MFSD2B: variants seen among roughly 807,000 people sequenced by gnomAD.
The protein encoded by MFSD2B is sphingosine-1-phosphate transporter MFSD2B.
A neutral mutation model predicts 58.4 loss-of-function variants in MFSD2B; 56 were observed. That is an observed-to-expected ratio of 0.96 (90% CI 0.77 to 1.20). The LOEUF (loss-of-function observed/expected upper bound fraction) is 1.20. MFSD2B is among the 50% of genes most tolerant of loss of function. MFSD2B has a pLI of 0.00. For synonymous variants in MFSD2B, 287 were observed against 294.4 expected, an observed-to-expected ratio of 0.97 and a Z score of 0.26; for missense variants, 645 against 667.6, an observed-to-expected ratio of 0.97 and a Z score of 0.37.
intron 3 of MFSD2B, 83 bp from the exon 4 acceptor site, chr2:24,016,762 G>C: frequency 6.5e-7 from 1 of 1,538,402 alleles, no homozygotes; most frequent in South Asian, 1.2e-5. Context: ...GGGCAGAGAA[G>C]GGGTGGGGTT....
intron 1 of MFSD2B, 127 bp from the exon 2 acceptor site, chr2:24,013,158 G>C (rs991002259): frequency 1.8e-5 from 17 of 928,382 alleles, no homozygotes; most frequent in Non-Finnish European, 2.5e-5. Context: ...GGCAAAATGG[G>C]GCTGAGAGGT....
Position 24,021,683 on chromosome 2 carries a change from A to AC in MFSD2B, c.717_718insC (p.Val240ArgfsTer160). 1 of 1,613,454 alleles carries AC rather than the reference A, an allele frequency of 6.2e-7. No homozygotes were observed. The highest frequency in any genetic ancestry group is 1.7e-5 in the Admixed American group (1 of 59,930). Reference sequence around the variant, plus strand: ...ACTGCATTGCGGCTGCCGTGGTTGTAGTGACTTACCCCGTGTGCATCAGTT... The same window carrying AC: ...ACTGCATTGCGGCTGCCGTGGTTGTACGTGACTTACCCCGTGTGCATCAGTT... On this transcript the variant is annotated frameshift_variant, in exon 7 of 14. Transcript: ENST00000338315. LOFTEE classifies it high-confidence loss of function. This position sits in a 1 kb window ranked among gnomAD's most constrained non-coding sequence, Gnocchi z 5.7.
At position 24,020,674 on chromosome 2, in the gene MFSD2B, C is replaced by T. The variant is rs1377482905; in HGVS notation, c.682-974C>T. Among the ~76,000 whole-genome samples, 2 of 152,150 alleles carry T rather than the reference C, an allele frequency of 1.3e-5. No individual in the cohort carries two copies. Among genetic ancestry groups the T allele is most frequent in the African/African-American group, 4.8e-5 (2 of 41,428 alleles). On this transcript the variant is annotated intron_variant, in intron 6 of 13. Coordinates refer to ENST00000338315, the MANE Select transcript of MFSD2B (RefSeq NM_001346880.2). The surrounding 1 kb of genome is among the most constrained non-coding windows in gnomAD (Gnocchi z 4.1). ...TCCCAGACTCAAGCGATTCTGCCAC[C>T]TCAGCCTCCCTAGTAGCTGGGACTG...
In MFSD2B at chr2:24,022,319, T is replaced by C. The variant is rs898764443; in HGVS notation, c.895-114T>C. 4.8e-6 allele frequency: 4 copies of C among 836,924 alleles called. No individual in the cohort carries two copies. The East Asian group carries it at 1.1e-4, about 22-fold the overall frequency. The allele number at this position is 836,924 out of a possible 1,614,324, so 51.8% of individuals were successfully genotyped here. A position where few individuals can be genotyped will look rare whatever the true frequency, so the allele number is the denominator to read the frequency against. ...TGTGGGGGAAGGGACTGTATGATGG[T>C]AGCAGCAAGCCAAGGTCCCAATGGA... On this transcript the variant is annotated intron_variant, in intron 8 of 13. Coordinates refer to ENST00000338315, the MANE Select transcript of MFSD2B (RefSeq NM_001346880.2). This position sits in a 1 kb window ranked among gnomAD's most constrained non-coding sequence, Gnocchi z 4.5.
Position 24,024,149 on chromosome 2 carries a change from C to A in MFSD2B, c.1368C>A (p.Thr456=), listed in dbSNP as rs1353789605. The change falls in exon 13 of 14, where the codon ACC becomes ACA. Residue 456 remains threonine (T), a synonymous_variant. Coordinates refer to ENST00000338315, the MANE Select transcript of MFSD2B (RefSeq NM_001346880.2). The surrounding 1 kb of genome is among the most constrained non-coding windows in gnomAD (Gnocchi z 4.3). ...VCKQAEEVVV[T]LKVLIGAVPT... is the part of the protein sequence containing the mutation. The stretch of plus-strand genomic sequence containing the variant: ...AGCAAGCAGAGGAGGTGGTGGTCAC[C>A]CTCAAAGTCCTCATTGGCGCCGTGC... 1 of 1,613,862 alleles carries A rather than the reference C, an allele frequency of 6.2e-7. No homozygotes were observed.
chr2:24,014,249 T>G (rs1295195926), intron 2 of MFSD2B, among the ~76,000 whole-genome samples: 1 of 152,086 alleles, frequency 6.6e-6, no homozygotes, highest in Non-Finnish European at 1.5e-5. Flanking sequence ...CCTGACCTCG[T>G]GATCCACCCA....
Position 24,025,431 on chromosome 2 carries a change from G to T in MFSD2B, c.1491-1G>T, listed in dbSNP as rs1573648580. ...TCCTTGGCTTCCTTCCCTTCCCACA[G>T]GAGGACCAGCTACAGCCTGGCCTAA... On this transcript the variant is annotated splice_acceptor_variant, in intron 13 of 13. Coordinates refer to ENST00000338315, the MANE Select transcript of MFSD2B (RefSeq NM_001346880.2). LOFTEE classifies it high-confidence loss of function. 1 of 1,536,102 alleles carries T rather than the reference G, an allele frequency of 6.5e-7. No homozygotes were observed. The highest frequency in any genetic ancestry group is 8.7e-7 in the Non-Finnish European group (1 of 1,146,880).
Position 24,016,949 on chromosome 2 carries a change from T to C in MFSD2B, c.452T>C (p.Leu151Pro). The C allele has an allele frequency of 6.2e-7, 1 of 1,613,872 alleles. No individual in the cohort carries two copies. The highest frequency in any genetic ancestry group is 8.5e-7 in the Non-Finnish European group (1 of 1,179,878). Residue 151 changes from leucine (L) to proline (P), a missense_variant, in exon 4 of 14, where the codon CTG becomes CCG. Physicochemically the swap from Leu to Pro is moderately conservative, Grantham distance 98. Coordinates refer to ENST00000338315, the MANE Select transcript of MFSD2B (RefSeq NM_001346880.2). ...CTCTGGTACACGACTTTCTACTGCC[T>C]GTTCCAGGCCCTGGCCACGGTAAGC... The part of the protein sequence containing the change: ...RGLWYTTFYC[L>P]FQALATFFQV...
rs976006388 is a variant in MFSD2B at position 24,024,487 on chromosome 2, T to A, written c.1490+216T>A. The stretch of plus-strand genomic sequence containing the variant: ...CCTTTGATCACCTGGTAGACTGTGG[T>A]ATGTGAGGGCTCACTCCTTGATCTC... On this transcript the variant is annotated intron_variant, in intron 13 of 13. Transcript: ENST00000338315. This position sits in a 1 kb window ranked among gnomAD's most constrained non-coding sequence, Gnocchi z 4.3. Among the ~76,000 whole-genome samples the A allele has an allele frequency of 6.6e-6, 1 of 152,102 alleles. No individual in the cohort carries two copies. Among genetic ancestry groups the A allele is most frequent in the Admixed American group, 6.6e-5 (1 of 15,264 alleles).
In MFSD2B at chr2:24,020,757, G is replaced by C. The variant is rs879347235; in HGVS notation, c.682-891G>C. Among the ~76,000 whole-genome samples the C allele has an allele frequency of 2.0e-5, 3 of 152,094 alleles. No homozygotes were observed. The highest frequency in any genetic ancestry group is 2.0e-4 in the Admixed American group (3 of 15,270). On this transcript the variant is annotated intron_variant, in intron 6 of 13. Transcript: ENST00000338315. The surrounding 1 kb of genome is among the most constrained non-coding windows in gnomAD (Gnocchi z 4.1). The stretch of plus-strand genomic sequence containing the variant: ...TTTTGTATTTTCTTTGGTAGATATG[G>C]GGTTTTGCCATGTTGCCCAGGCTGG...
Position 24,021,086 on chromosome 2 carries a change from T to C in MFSD2B, c.682-562T>C, listed in dbSNP as rs1021316744. On this transcript the variant is annotated intron_variant, in intron 6 of 13. Transcript: ENST00000338315. This position sits in a 1 kb window ranked among gnomAD's most constrained non-coding sequence, Gnocchi z 5.7. ...TAAATGTTTGTATTTTTAGTAGAGATGGGGTTTCACGATGTTGGCCAGGCT... is the reference window on the plus strand; with the variant it reads ...TAAATGTTTGTATTTTTAGTAGAGACGGGGTTTCACGATGTTGGCCAGGCT... Among the ~76,000 whole-genome samples, 4 of 151,764 alleles carry C rather than the reference T, an allele frequency of 2.6e-5. 1 individual carries two copies. The highest frequency in any genetic ancestry group is 4.8e-5 in the African/African-American group (2 of 41,292).
In MFSD2B at chr2:24,018,731, AAAG is replaced by A; in HGVS notation, c.681+1144_681+1146del. On this transcript the variant is annotated intron_variant, in intron 6 of 13. Coordinates refer to ENST00000338315, the MANE Select transcript of MFSD2B (RefSeq NM_001346880.2). ...ATCCTTTTCTGGAAAAAAAAAAAAA[AAAG>A]GAGTTTGAGCATGGGTGGCCCTCGC... The A allele has an allele frequency of 5.8e-5, 10 of 173,656 alleles. No individual in the cohort carries two copies. In the East Asian group the frequency reaches 9.1e-4, roughly 16 times the overall value. The allele number at this position is 173,656 out of a possible 1,614,324, so 10.8% of individuals were successfully genotyped here. A position where few individuals can be genotyped will look rare whatever the true frequency, so the allele number is the denominator to read the frequency against.
At position 24,023,423 on chromosome 2, in the gene MFSD2B, C is replaced by A; in HGVS notation, c.1170-160C>A. 4.3e-6 allele frequency: 4 copies of A among 920,116 alleles called. No individual in the cohort carries two copies. The highest frequency in any genetic ancestry group is 2.4e-5 in the Admixed American group (1 of 42,318). The allele number at this position is 920,116 out of a possible 1,614,324, so 57.0% of individuals were successfully genotyped here. A position where few individuals can be genotyped will look rare whatever the true frequency, so the allele number is the denominator to read the frequency against. On this transcript the variant is annotated intron_variant, in intron 11 of 13. Transcript: ENST00000338315. The surrounding 1 kb of genome is among the most constrained non-coding windows in gnomAD (Gnocchi z 5.0). ...TGGCGGGGGGCCGGCAGGGGGCTGG[C>A]GGGGGGTACGAGCACACAGGCCATC...
rs10581925 is a variant in MFSD2B at position 24,013,760 on chromosome 2, GTTT to G, written c.222+363_222+365del. On this transcript the variant is annotated intron_variant, in intron 2 of 13. Coordinates refer to ENST00000338315, the MANE Select transcript of MFSD2B (RefSeq NM_001346880.2). Reference sequence around the variant, plus strand: ...TTCTTAAAACAGTATGAATTTTTTTGTTTTTTTTTTTTTTTAGCTCATTAGCTA... The same window carrying G: ...TTCTTAAAACAGTATGAATTTTTTTGTTTTTTTTTTTTAGCTCATTAGCTA... 1.5e-3 allele frequency among the ~76,000 whole-genome samples: 204 copies of G among 139,164 alleles called. 1 individual carries two copies. Among genetic ancestry groups the G allele is most frequent in the African/African-American group, 3.6e-3 (133 of 37,318 alleles). The allele number at this position is 139,164 out of a possible 152,430, so 91.3% of individuals were successfully genotyped here.
chr2:24,018,613 C>T (rs918016118), intron 6 of MFSD2B: 2 of 182,262 alleles, frequency 1.1e-5, no homozygotes, highest in Middle Eastern at 2.0e-3. Context: ...GCCACCTCCT[C>T]CCCCTGTTCT....
chr2:24,016,786 C>A, intron 3 of MFSD2B, 59 bp from the exon 4 acceptor site: 1 of 1,596,372 alleles, frequency 6.3e-7, no homozygotes, highest in Non-Finnish European at 8.5e-7. Flanking sequence ...CCAGGCTGGG[C>A]CCTTTGTGTT....
At chr2:24,025,015 T>C (rs148789683) in intron 13 of MFSD2B, among the ~76,000 whole-genome samples, 1 of 152,316 alleles carries the variant, frequency 6.6e-6, no homozygotes, top group Non-Finnish European at 1.5e-5. Flanking sequence ...AAGCAGGTAC[T>C]CAGGAATCAC....
At chr2:24,016,439 G>C (rs1243765240) in intron 3 of MFSD2B, among the ~76,000 whole-genome samples, 159 bp downstream of exon 3, 1 of 152,216 alleles carries the variant, frequency 6.6e-6, no homozygotes, top group Non-Finnish European at 1.5e-5. Context: ...GAGTGATAAG[G>C]AGTTCAGAGA....
chr2:24,013,228 G>T (rs550858853), intron 1 of MFSD2B, 57 bp from the exon 2 acceptor site: 9 of 1,520,036 alleles, frequency 5.9e-6, no homozygotes, highest in Non-Finnish European at 8.0e-6. Context: ...GTCATGGGGT[G>T]TGGGGACCTG....
Sources: allele counts gnomAD v4.1 joint callset (sites outside exome capture counted in the v4.1 genomes callset), GRCh38; gene constraint gnomAD v4.1.1; non-coding constraint Gnocchi (gnomAD v3.1); transcripts MANE v1.5; gene names NCBI Gene and HGNC (gene_info 2026-07-23, HGNC 2026-07-21).